The following FYB1 variants were observed in gnomAD, a reference collection of about 807,000 sequenced individuals.
FYB1 encodes the protein FYN-binding protein 1.
A neutral mutation model predicts 94.1 loss-of-function variants in FYB1; 41 were observed. That is an observed-to-expected ratio of 0.44 (90% CI 0.34 to 0.57). The LOEUF is 0.57. Ranked by LOEUF, FYB1 falls within the 20% of genes least tolerant of loss-of-function variation. The pLI, the probability that FYB1 is intolerant of heterozygous loss-of-function variation, is 0.02. For synonymous variants in FYB1, 367 were observed against 353.2 expected (o/e 1.04, Z -0.44); for missense variants, 1,050 against 976.8 (o/e 1.07, Z -1.00).
intron 2 of FYB1, among the ~76,000 whole-genome samples, chr5:39,176,716 C>A (rs1480157325): frequency 6.6e-6 from 1 of 152,146 alleles, no homozygotes; most frequent in East Asian, 1.9e-4. Context: ...AAGACGAAAA[C>A]ATTAGTTTTT....
intron 1 of FYB1, among the ~76,000 whole-genome samples, chr5:39,242,304 G>C (rs989528735): frequency 5.3e-4 from 40 of 76,030 alleles, no homozygotes; most frequent in African/African-American, 2.1e-3. Context: ...CCCACGCCAC[G>C]ACAGGCCCCA....
In FYB1 at chr5:39,231,147, C is replaced by CAA. The variant is rs747268330; in HGVS notation, c.-27-28162_-27-28161dup. 1.3e-3 allele frequency among the ~76,000 whole-genome samples: 52 copies of CAA among 40,868 alleles called. 2 individuals carry two copies. The highest frequency in any genetic ancestry group is 2.6e-3 in the African/African-American group (31 of 11,906). 26.8% of individuals were successfully genotyped at this position (40,868 alleles called of 152,430 possible). A position where few individuals can be genotyped will look rare whatever the true frequency, so the allele number is the denominator to read the frequency against. ...ATAGAAAAAAGTACTCAGCTCAGAGCAAAAAAAAAAAAAACAAAAAAAAAC... is the reference window on the plus strand; with the variant it reads ...ATAGAAAAAAGTACTCAGCTCAGAGCAAAAAAAAAAAAAAAACAAAAAAAAAC... On this transcript the variant is annotated intron_variant, in intron 1 of 1. Transcript: ENST00000510188.
intron 1 of FYB1, among the ~76,000 whole-genome samples, chr5:39,265,357 G>A (rs559256298): frequency 7.2e-5 from 11 of 152,196 alleles, no homozygotes; most frequent in South Asian, 2.1e-4. Context: ...GATGGCGGGC[G>A]CTTACAGTCC....
intron 1 of FYB1, among the ~76,000 whole-genome samples, chr5:39,231,147 C>CAAAAAAAA (rs747268330): frequency 3.7e-4 from 15 of 40,910 alleles, no homozygotes; most frequent in East Asian, 6.8e-4. Flanking sequence ...CAGCTCAGAG[C>CAAAAAAAA]AAAAAAAAAA....
intron 1 of FYB1, among the ~76,000 whole-genome samples, chr5:39,213,648 A>C (rs902392101): frequency 2.0e-5 from 3 of 152,166 alleles, no homozygotes; most frequent in African/African-American, 7.2e-5. Context: ...TGTTTGAAAA[A>C]ACATTTAGTC....
chr5:39,128,652 C>G (rs940174336), intron 10 of FYB1, among the ~76,000 whole-genome samples: 1 of 152,096 alleles, frequency 6.6e-6, no homozygotes, highest in South Asian at 2.1e-4. Context: ...CCATCTGTAA[C>G]AAACTTAAAA....
intron 3 of FYB1, among the ~76,000 whole-genome samples, chr5:39,150,466 C>T (rs1743144881): frequency 6.6e-6 from 1 of 152,208 alleles, no homozygotes; most frequent in Non-Finnish European, 1.5e-5. Flanking sequence ...TCCTCTGCTT[C>T]AATCTTTGGA....
intron 2 of FYB1, among the ~76,000 whole-genome samples, chr5:39,191,560 G>GT (rs1333832888): frequency 6.6e-6 from 1 of 152,056 alleles, no homozygotes; most frequent in Non-Finnish European, 1.5e-5. Context: ...TGTTCTAGAT[G>GT]TTTTTTTCTA....
At chr5:39,253,419 C>T (rs1426366663) in intron 1 of FYB1, among the ~76,000 whole-genome samples, 2 of 152,106 alleles carry the variant, frequency 1.3e-5, no homozygotes, top group African/African-American at 4.8e-5. Flanking sequence ...AGAGACTGAA[C>T]CTATGACTCA....
chr5:39,125,839 G>A, intron 12 of FYB1, 159 bp downstream of exon 12: 4 of 629,398 alleles, frequency 6.4e-6, no homozygotes, highest in Non-Finnish European at 8.0e-6. Flanking sequence ...GAGCTTAAAG[G>A]TGACACCATA....
At chr5:39,152,628 AT>A (rs1317947856) in intron 3 of FYB1, among the ~76,000 whole-genome samples, 1 of 152,214 alleles carries the variant, frequency 6.6e-6, no homozygotes, top group Non-Finnish European at 1.5e-5. Flanking sequence ...ATGACATTCC[AT>A]TTTATTCCAA....
At chr5:39,110,153 C>T (rs189575217) in intron 17 of FYB1, among the ~76,000 whole-genome samples, 5 of 151,998 alleles carry the variant, frequency 3.3e-5, no homozygotes, top group African/African-American at 1.2e-4. Context: ...AAGGGCTCCT[C>T]GCCTATTTAA....
At chr5:39,233,631 AG>A (rs765044764) in intron 1 of FYB1, among the ~76,000 whole-genome samples, 25 of 152,180 alleles carry the variant, frequency 1.6e-4, no homozygotes, top group Non-Finnish European at 2.8e-4. Flanking sequence ...CAAAACTTTT[AG>A]TGAGAGGCTT....
intron 1 of FYB1, among the ~76,000 whole-genome samples, chr5:39,259,379 A>T (rs1465159031): frequency 6.6e-6 from 1 of 152,250 alleles, no homozygotes; most frequent in Non-Finnish European, 1.5e-5. Flanking sequence ...AGTATGCGAA[A>T]TGTCCAGAAT....
At chr5:39,219,189 T>C (rs1197838980) in intron 1 of FYB1, among the ~76,000 whole-genome samples, 1 of 152,190 alleles carries the variant, frequency 6.6e-6, no homozygotes, top group Non-Finnish European at 1.5e-5. Flanking sequence ...AGAGGCCTTA[T>C]CCAGTTACGA....
intron 1 of FYB1, among the ~76,000 whole-genome samples, chr5:39,235,733 G>T (rs1001140484): frequency 3.3e-5 from 5 of 151,962 alleles, no homozygotes; most frequent in African/African-American, 7.3e-5. Flanking sequence ...TCTAACATAC[G>T]ACAACTATCA....
intron 11 of FYB1, among the ~76,000 whole-genome samples, chr5:39,127,306 G>T (rs912362072): frequency 6.6e-6 from 1 of 151,416 alleles, no homozygotes; most frequent in African/African-American, 2.4e-5. Flanking sequence ...TATTACACAA[G>T]GGATAGCCAT....
intron 1 of FYB1, among the ~76,000 whole-genome samples, chr5:39,241,862 T>A (rs1398084563): frequency 6.6e-6 from 1 of 151,918 alleles, no homozygotes. Context: ...GGCATCTTTT[T>A]AATAAAGATT....
chr5:39,230,122 T>A (rs200474354), intron 1 of FYB1, among the ~76,000 whole-genome samples: 1 of 152,306 alleles, frequency 6.6e-6, no homozygotes, highest in East Asian at 1.9e-4. Context: ...ACTGTGAATA[T>A]GCTACCTTAT....
Sources: gnomAD v4.1 joint callset for allele counts (sites outside exome capture counted in the v4.1 genomes callset) on GRCh38, gnomAD v4.1.1 for gene constraint, MANE v1.5 for transcripts, NCBI Gene and HGNC (gene_info 2026-07-23, HGNC 2026-07-21) for gene names.